The following LOXL2 variants were observed in gnomAD, a reference collection of about 807,000 sequenced individuals.
The protein encoded by LOXL2 is lysyl oxidase homolog 2.
Under a neutral mutation model 93.0 loss-of-function variants are expected in LOXL2, and 70 were observed. The observed-to-expected ratio is 0.75, with a 90% CI of 0.62 to 0.92. The LOEUF is 0.92. Ranked by LOEUF, LOXL2 falls within the 40% of genes least tolerant of loss-of-function variation. The pLI is 0.00. For synonymous variants in LOXL2, 438 were observed against 413.2 expected, an observed-to-expected ratio of 1.06 and a Z score of -0.73; for missense variants, 973 against 1,054.9, an observed-to-expected ratio of 0.92 and a Z score of 1.08.
chr8:23,310,033 G>A (rs1803298060), intron 9 of LOXL2, 122 bp from the exon 10 acceptor site: 10 of 1,128,746 alleles, frequency 8.9e-6, no homozygotes, highest in South Asian at 2.4e-5. Flanking sequence ...AATGACTCAA[G>A]GGCTCCTCAA....
At chr8:23,337,757 T>G (rs1803816699) in intron 4 of LOXL2, among the ~76,000 whole-genome samples, 1 of 152,214 alleles carries the variant, frequency 6.6e-6, no homozygotes, top group Non-Finnish European at 1.5e-5. Flanking sequence ...AATGGGGGCC[T>G]GAAGTTTAAG....
chr8:23,383,911 C>T (rs1012961729), intron 1 of LOXL2, among the ~76,000 whole-genome samples: 4 of 152,000 alleles, frequency 2.6e-5, no homozygotes, highest in African/African-American at 9.7e-5. Flanking sequence ...CCACCCGCCT[C>T]GGCCTCCCAA....
At chr8:23,378,726 T>G (rs1804629130) in intron 1 of LOXL2, among the ~76,000 whole-genome samples, 1 of 152,244 alleles carries the variant, frequency 6.6e-6, no homozygotes, top group Admixed American at 6.5e-5. Flanking sequence ...TTCTGGTTGA[T>G]CGAAACGGCT....
intron 6 of LOXL2, among the ~76,000 whole-genome samples, chr8:23,323,770 C>T (rs970309841): frequency 3.3e-5 from 5 of 152,108 alleles, no homozygotes; most frequent in African/African-American, 9.7e-5. Flanking sequence ...GACGCCATCT[C>T]GGCTCACTGC....
intron 12 of LOXL2, among the ~76,000 whole-genome samples, chr8:23,301,247 G>A (rs1016520212): frequency 2.0e-5 from 3 of 152,210 alleles, no homozygotes; most frequent in Admixed American, 6.5e-5. Context: ...GTGAGATAAA[G>A]CTTCTGCAGG....
chr8:23,333,713 C>A, intron 4 of LOXL2, 90 bp from the exon 5 acceptor site: 3 of 1,043,490 alleles, frequency 2.9e-6, no homozygotes, highest in Admixed American at 2.1e-5. Context: ...AGAGACTGGG[C>A]CCTGCTCCTG....
intron 10 of LOXL2, among the ~76,000 whole-genome samples, chr8:23,306,819 G>C (rs1803237190): frequency 6.6e-6 from 1 of 152,260 alleles, no homozygotes; most frequent in African/African-American, 2.4e-5. Context: ...TCCTGTCAGA[G>C]CGTGGCACAT....
intron 1 of LOXL2, among the ~76,000 whole-genome samples, chr8:23,389,585 C>T (rs1279183193): frequency 1.3e-5 from 2 of 152,068 alleles, no homozygotes; most frequent in Admixed American, 1.3e-4. Flanking sequence ...GTTTTTATTG[C>T]CAATAGCAAT....
intron 1 of LOXL2, among the ~76,000 whole-genome samples, chr8:23,397,212 T>C (rs4513979): frequency 0.71 from 107,878 of 151,766 alleles, 39,363 homozygotes; most frequent in East Asian, 0.87. Flanking sequence ...AGGGGGAGAG[T>C]GGAGTTAGTG....
At chr8:23,312,427 A>G (rs1398579087) in intron 9 of LOXL2, among the ~76,000 whole-genome samples, 1 of 137,618 alleles carries the variant, frequency 7.3e-6, no homozygotes, top group Non-Finnish European at 1.5e-5. Flanking sequence ...CGAATCCAGC[A>G]GCACATCAAA....
chr8:23,331,247 G>A (rs1036834645), intron 5 of LOXL2, among the ~76,000 whole-genome samples: 4 of 152,092 alleles, frequency 2.6e-5, no homozygotes, highest in Non-Finnish European at 5.9e-5. Context: ...ATGGCTGGGG[G>A]AAAGCTGGTT....
chr8:23,311,876 A>G (rs1026839732), intron 9 of LOXL2, among the ~76,000 whole-genome samples: 1 of 152,220 alleles, frequency 6.6e-6, no homozygotes, highest in African/African-American at 2.4e-5. Context: ...GTAGGTGGTC[A>G]GGAGGCTGCT....
chr8:23,309,234 C>G (rs889958467), intron 10 of LOXL2, among the ~76,000 whole-genome samples: 1 of 152,064 alleles, frequency 6.6e-6, no homozygotes, highest in African/African-American at 2.4e-5. Context: ...CCGCCCGCCT[C>G]GGCCTCCCAA....
chr8:23,331,056 C>A lies in LOXL2; in HGVS notation c.966+2345G>T, dbSNP rs549956089. Among the ~76,000 whole-genome samples, 490 of 152,308 alleles carry A rather than the reference C, an allele frequency of 3.2e-3. 1 individual carries two copies. Among genetic ancestry groups the A allele is most frequent in the Admixed American group, 6.6e-3 (101 of 15,300 alleles). On this transcript the variant is annotated intron_variant, in intron 5 of 13. Coordinates refer to ENST00000389131, the MANE Select transcript of LOXL2 (RefSeq NM_002318.3). ...CTCACTGAAGGCTCAGTCTTTTGTT[C>A]AAATCTCCACCAAGCCTGGGATGGG...
At chr8:23,333,267 G>T in intron 5 of LOXL2, 134 bp downstream of exon 5, 1 of 787,860 alleles carries the variant, frequency 1.3e-6, no homozygotes. Flanking sequence ...TCAGGTCTCA[G>T]AGTAAAGCAG....
intron 1 of LOXL2, among the ~76,000 whole-genome samples, chr8:23,371,999 G>T (rs1429801502): frequency 2.6e-5 from 4 of 151,980 alleles, no homozygotes; most frequent in African/African-American, 9.7e-5. Flanking sequence ...GGGTTTGGGG[G>T]AGAAATGGTA....
chr8:23,366,292 A>G (rs1227717669), intron 2 of LOXL2, among the ~76,000 whole-genome samples: 2 of 152,266 alleles, frequency 1.3e-5, no homozygotes, highest in East Asian at 3.8e-4. Flanking sequence ...TCTAAAGCCC[A>G]GCATTTGCTA....
intron 12 of LOXL2, 110 bp downstream of exon 12, chr8:23,301,917 T>C (rs1038685098): frequency 2.2e-5 from 30 of 1,392,894 alleles, no homozygotes; most frequent in Admixed American, 2.1e-4. Context: ...CCTTGCCCTT[T>C]AGACAGCCTG....
intron 3 of LOXL2, among the ~76,000 whole-genome samples, chr8:23,355,833 T>C (rs1162028294): frequency 6.6e-6 from 1 of 151,944 alleles, no homozygotes; most frequent in Non-Finnish European, 1.5e-5. Flanking sequence ...GGTCTCAAAC[T>C]CCTGGGCTCA....
Sources: gnomAD v4.1 joint callset for allele counts (sites outside exome capture counted in the v4.1 genomes callset) on GRCh38, gnomAD v4.1.1 for gene constraint, MANE v1.5 for transcripts, NCBI Gene and HGNC (gene_info 2026-07-23, HGNC 2026-07-21) for gene names.